The following EPX variants were observed in gnomAD, a reference collection of about 807,000 sequenced individuals.
EPX encodes the protein eosinophil peroxidase.
In EPX, 60 loss-of-function variants were observed where a neutral mutation model predicts 73.0. The observed-to-expected ratio is 0.82, with a 90% confidence interval of 0.67 to 1.02. EPX has a LOEUF of 1.02. Among genes scored for constraint, EPX ranks in the 50% least tolerant of loss-of-function variants. The probability of loss-of-function intolerance (pLI) is 0.00; values close to 1 mark genes in which losing one functional copy is unlikely to be tolerated. For synonymous variants in EPX, 347 were observed against 389.2 expected, an observed-to-expected ratio of 0.89 and a Z score of 1.28; for missense variants, 950 against 973.9, an observed-to-expected ratio of 0.98 and a Z score of 0.33.
chr17:58,204,541 T>G, intron 12 of EPX, 107 bp downstream of exon 12: 1 of 697,216 alleles, frequency 1.4e-6, no homozygotes, highest in Non-Finnish European at 2.5e-6. Flanking sequence ...AAACAGAACT[T>G]GTCACTAGGT....
intron 12 of EPX, 133 bp downstream of exon 12, chr17:58,204,567 C>T (rs561924206): frequency 3.1e-6 from 2 of 641,946 alleles, no homozygotes; most frequent in East Asian, 5.5e-5. Flanking sequence ...TTCCAAGTGG[C>T]TTCCCAATGT....
chr17:58,199,397 T>C, intron 8 of EPX, 142 bp from the exon 9 acceptor site: 1 of 1,142,758 alleles, frequency 8.8e-7, no homozygotes, highest in Middle Eastern at 2.3e-4. Context: ...CTCTGGGCTT[T>C]GTATCTCCAC....
Position 58,197,141 on chromosome 17 carries a change from T to C in EPX, c.1004T>C (p.Leu335Pro), listed in dbSNP as rs1466440970. 1.2e-6 allele frequency: 2 copies of C among 1,614,104 alleles called. No individual in the cohort carries two copies. The highest frequency in any genetic ancestry group is 1.7e-6 in the Non-Finnish European group (2 of 1,180,058). Residue 335 changes from leucine (L) to proline (P), a missense_variant, in exon 7 of 13, where the codon CTG (leucine) becomes CCG (proline). Transcript: ENST00000225371. Reference protein sequence around the residue: ...LRNRTNYLGLLAINQRFQDNG... With the variant: ...LRNRTNYLGLPAINQRFQDNG... ...AACCGGACCAACTACCTGGGGCTGC[T>C]GGCCATCAACCAGCGCTTTCAAGAC...
intron 11 of EPX, among the ~76,000 whole-genome samples, chr17:58,203,926 C>T (rs62083739): frequency 6.3e-5 from 5 of 79,922 alleles, no homozygotes; most frequent in Non-Finnish European, 1.1e-4. Context: ...AGCGAGACTC[C>T]GTCTCAAAAA....
intron 11 of EPX, 63 bp downstream of exon 11, chr17:58,203,381 CA>C (rs1284309798): frequency 9.6e-7 from 1 of 1,043,000 alleles, no homozygotes; most frequent in Non-Finnish European, 1.5e-6. Context: ...ACTAGCATTT[CA>C]AGACTAAACA....
chr17:58,200,158 A>C, intron 9 of EPX, 67 bp from the exon 10 acceptor site: 1 of 1,494,598 alleles, frequency 6.7e-7, no homozygotes, highest in South Asian at 1.1e-5. Context: ...GCTTGGCATC[A>C]TGTGATAACC....
rs1248083994 is a variant in EPX, at chr17:58,199,132, C to G, written c.1213C>G (p.Leu405Val). The change falls in exon 8 of 13, where the codon CTG (leucine) becomes GTG (valine). Residue 405 changes from leucine to valine, a missense_variant. By Grantham distance (32) the Leu-to-Val change is conservative. Transcript: ENST00000225371. ...HNRLATELRR[L>V]NPRWNGDKLY... ...CCGGCTGGCCACCGAGCTGAGACGCCTGAATCCCCGGTGGAATGGAGACAA... is the reference window on the plus strand; with the variant it reads ...CCGGCTGGCCACCGAGCTGAGACGCGTGAATCCCCGGTGGAATGGAGACAA... The G allele has an allele frequency of 6.2e-7, 1 of 1,614,010 alleles. No homozygotes were observed. Among genetic ancestry groups the G allele is most frequent in the Non-Finnish European group, 8.5e-7 (1 of 1,180,006 alleles).
At position 58,198,960 on chromosome 17, in the gene EPX, T is replaced by C; in HGVS notation, c.1121-80T>C. The C allele has an allele frequency of 6.0e-6, 9 of 1,496,916 alleles. No homozygotes were observed. The South Asian group carries it at 1.0e-4, about 17-fold the overall frequency. The allele number at this position is 1,496,916 out of a possible 1,614,324, so 92.7% of individuals were successfully genotyped here. A position where few individuals can be genotyped will look rare whatever the true frequency, so the allele number is the denominator to read the frequency against. On this transcript the variant is annotated intron_variant, in intron 7 of 12. Transcript: ENST00000225371. ...AGTTTGGCCCACCCCGTCTCTCCCA[T>C]CCCCAGCCCTGGGTCTACCCTGGTA...
chr17:58,199,514 A>G (rs371180349), intron 8 of EPX, 25 bp from the exon 9 acceptor site: 14 of 1,613,684 alleles, frequency 8.7e-6, no homozygotes, highest in Non-Finnish European at 1.1e-5. Flanking sequence ...CCTCTGGGGA[A>G]TGTTCCTCCT....
chr17:58,199,337 C>T (rs973635131), intron 8 of EPX, 137 bp downstream of exon 8: 32 of 1,125,456 alleles, frequency 2.8e-5, no homozygotes, highest in Middle Eastern at 2.7e-4. Context: ...GTCCTCTGGC[C>T]CCGATTCTGC....
At position 58,199,762 on chromosome 17, in the gene EPX, C is replaced by T. The variant is rs202008975; in HGVS notation, c.1505C>T (p.Ala502Val). 1 of 1,614,038 alleles carries T rather than the reference C, an allele frequency of 6.2e-7. No homozygotes were observed. The highest frequency in any genetic ancestry group is 2.2e-5 in the East Asian group (1 of 44,878). Residue 502 changes from alanine (A) to valine (V), a missense_variant, in exon 9 of 13, where the codon GCC becomes GTC. By Grantham distance (64) the Ala-to-Val change is moderately conservative. Coordinates refer to ENST00000225371, the MANE Select transcript of EPX (RefSeq NM_000502.6). ...APNSHVPLSS[A>V]FFASWRIVYE... is the part of the protein sequence containing the mutation. The stretch of plus-strand genomic sequence containing the variant: ...AACTCGCATGTCCCACTTAGCTCTG[C>T]CTTCTTTGCCAGCTGGCGGATCGTG...
chr17:58,196,885 G>A, intron 6 of EPX, 54 bp from the exon 7 acceptor site: 1 of 1,335,392 alleles, frequency 7.5e-7, no homozygotes, highest in African/African-American at 1.4e-5. Context: ...TGACGGAGAG[G>A]AGTGAGTCTG....
At position 58,197,266 on chromosome 17, in the gene EPX, G is replaced by A; in HGVS notation, c.1120+9G>A. 6.2e-7 allele frequency: 1 copy of A among 1,610,094 alleles called. No individual in the cohort carries two copies. Among genetic ancestry groups the A allele is most frequent in the Non-Finnish European group, 8.5e-7 (1 of 1,179,994 alleles). ...CCCCTGCTTCCTGGCAGGTCAGACA[G>A]GGAGGAAGGTGGTGTCTTCCCAGGA... On this transcript the variant is annotated intron_variant, in intron 7 of 12. Transcript: ENST00000225371.
In EPX at chr17:58,197,241, C is replaced by T; in HGVS notation, c.1104C>T (p.Ile368=). 6.2e-7 allele frequency: 1 copy of T among 1,612,128 alleles called. No individual in the cohort carries two copies. Among genetic ancestry groups the T allele is most frequent in the Non-Finnish European group, 8.5e-7 (1 of 1,180,036 alleles). ...TCCTCACCAACCGCTCGGCGCGCAT[C>T]CCCTGCTTCCTGGCAGGTCAGACAG... is the stretch of plus-strand genomic sequence containing the variant. ...PCLLTNRSAR[I]PCFLAGDTRS... The change falls in exon 7 of 13, where the codon ATC becomes ATT. Residue 368 remains isoleucine (I), a synonymous_variant. Coordinates refer to ENST00000225371, the MANE Select transcript of EPX (RefSeq NM_000502.6).
chr17:58,193,246 G>A, intron 2 of EPX, 115 bp downstream of exon 2: 2 of 1,235,304 alleles, frequency 1.6e-6, no homozygotes, highest in Non-Finnish European at 2.4e-6. Flanking sequence ...ATTTCCTGTT[G>A]GTAGAGCCTC....
At chr17:58,198,999 C>G in intron 7 of EPX, 41 bp from the exon 8 acceptor site, 2 of 1,607,922 alleles carry the variant, frequency 1.2e-6, no homozygotes, top group South Asian at 2.2e-5. Context: ...AGACATTTCT[C>G]TGGGAAAGGC....
At chr17:58,200,584 T>TC (rs990265322) in intron 10 of EPX, among the ~76,000 whole-genome samples, 189 bp downstream of exon 10, 3 of 151,934 alleles carry the variant, frequency 2.0e-5, no homozygotes, top group Admixed American at 6.6e-5. Context: ...CTGCCATGGC[T>TC]CCCCCATCCA....
At chr17:58,199,936 G>C (rs921856837) in intron 9 of EPX, 142 bp downstream of exon 9, 4 of 938,474 alleles carry the variant, frequency 4.3e-6, no homozygotes, top group Non-Finnish European at 6.3e-6. Context: ...AACAAGGCAG[G>C]TGCCAGCAAG....
At chr17:58,193,855 G>T in intron 4 of EPX, 24 bp downstream of exon 4, 3 of 1,602,514 alleles carry the variant, frequency 1.9e-6, no homozygotes, top group African/African-American at 1.3e-5. Flanking sequence ...GGCAGGAGGG[G>T]CTGCCCCTGC....
Sources: gnomAD v4.1 joint callset for allele counts (sites outside exome capture counted in the v4.1 genomes callset) on GRCh38, gnomAD v4.1.1 for gene constraint, MANE v1.5 for transcripts, NCBI Gene and HGNC (gene_info 2026-07-23, HGNC 2026-07-21) for gene names.